The following PBX1 variants were observed in gnomAD, a reference collection of about 807,000 sequenced individuals.
PBX1 encodes pre-B-cell leukemia transcription factor 1.
A neutral mutation model predicts 53.4 loss-of-function variants in PBX1; 6 were observed. The ratio of observed to expected loss-of-function variants is 0.11; its 90% confidence interval spans 0.06 to 0.22. The LOEUF (loss-of-function observed/expected upper bound fraction) is 0.22, where lower values mean the gene tolerates loss of function less well. PBX1 is among the 10% of genes least tolerant of loss of function. The probability of loss-of-function intolerance (pLI) is 1.00; values close to 1 mark genes in which losing one functional copy is unlikely to be tolerated. For synonymous variants in PBX1, 204 were observed against 212.3 expected (o/e 0.96, Z 0.34); for missense variants, 251 against 551.4 (o/e 0.46, Z 5.46).
chr1:164,614,175 T>G (rs75614215), intron 2 of PBX1, among the ~76,000 whole-genome samples: 2,091 of 152,278 alleles, frequency 0.014, 12 homozygotes, highest in Non-Finnish European at 0.021. Context: ...CCTCCTTGTG[T>G]GTGGAAGTAC....
rs188157610 is a variant in PBX1 at position 164,760,543 on chromosome 1, G to A, written c.266-31951G>A. Among the ~76,000 whole-genome samples, 5 of 149,796 alleles carry A rather than the reference G, an allele frequency of 3.3e-5. No individual in the cohort carries two copies. The Admixed American group carries it at 3.4e-4, about 10-fold the overall frequency. On this transcript the variant is annotated intron_variant, in intron 2 of 8. Transcript: ENST00000420696. The stretch of plus-strand genomic sequence containing the variant: ...TCTCTTTAAGAATAACACTTTGTTT[G>A]GTTAACTCCTGCCCCCCAAAACAAC...
chr1:164,823,704 C>A (rs769246090), intron 8 of PBX1, among the ~76,000 whole-genome samples: 6 of 151,852 alleles, frequency 4.0e-5, no homozygotes, highest in African/African-American at 1.5e-4. Context: ...CATGTGCAGA[C>A]AATTATGTCT....
rs142889581 is a variant in PBX1, at chr1:164,694,597, C to T, written c.266-97897C>T. ...TCCATGTTCAGCAGATTTATAAATC[C>T]AGAGCAGACCTCATCAATCCCCATC... is the stretch of plus-strand genomic sequence containing the variant. On this transcript the variant is annotated intron_variant, in intron 2 of 8. Transcript: ENST00000420696. 1.0e-3 allele frequency among the ~76,000 whole-genome samples: 155 copies of T among 152,268 alleles called. 1 individual carries two copies. The East Asian group carries it at 0.028, about 27-fold the overall frequency.
intron 2 of PBX1, among the ~76,000 whole-genome samples, chr1:164,702,318 T>C (rs1310003589): frequency 2.0e-5 from 3 of 152,228 alleles, no homozygotes. Flanking sequence ...GAGGATACCC[T>C]GAGCTCACAT....
chr1:164,836,806 C>T lies in PBX1; in HGVS notation c.1201-9778C>T, dbSNP rs548323160. On this transcript the variant is annotated intron_variant, in intron 8 of 8. Transcript: ENST00000420696. ...TTATGGCTCTGAAATAGATTTGGTG[C>T]GTCACGGAAGATAAGGGTTTTGAAA... 2.7e-4 allele frequency among the ~76,000 whole-genome samples: 41 copies of T among 152,212 alleles called. 2 individuals carry two copies. The South Asian group carries it at 8.3e-3, about 31-fold the overall frequency.
chr1:164,628,383 G>A (rs12130738), intron 2 of PBX1, among the ~76,000 whole-genome samples: 3,210 of 152,276 alleles, frequency 0.021, 58 homozygotes, highest in Non-Finnish European at 0.031. Context: ...AGTCCGAACA[G>A]TCACCTTGAC....
At chr1:164,735,692 G>T (rs1571310632) in intron 2 of PBX1, among the ~76,000 whole-genome samples, 1 of 152,204 alleles carries the variant, frequency 6.6e-6, no homozygotes. Flanking sequence ...TTCCGTCAGT[G>T]CTGAGGACCA....
intron 8 of PBX1, among the ~76,000 whole-genome samples, chr1:164,836,115 AC>A (rs1671027301): frequency 6.6e-6 from 1 of 152,114 alleles, no homozygotes; most frequent in African/African-American, 2.4e-5. Context: ...CTTTCTTATG[AC>A]CTTTGCTACA....
chr1:164,760,385 C>T (rs1167300080), intron 2 of PBX1, among the ~76,000 whole-genome samples: 1 of 151,754 alleles, frequency 6.6e-6, no homozygotes, highest in African/African-American at 2.4e-5. Context: ...CCCTCCCACC[C>T]TTCTTTGCTC....
intron 2 of PBX1, chr1:164,683,628 C>T (rs1037542129): frequency 6.6e-6 from 1 of 152,108 alleles, no homozygotes; most frequent in Non-Finnish European, 1.5e-5. Flanking sequence ...AAAACACATA[C>T]ACACTCTCAC....
At chr1:164,834,317 G>A (rs1432846207) in intron 8 of PBX1, among the ~76,000 whole-genome samples, 1 of 150,492 alleles carries the variant, frequency 6.6e-6, no homozygotes, top group African/African-American at 2.4e-5. Context: ...TTGTTGTTTA[G>A]CCTGTTTCCA....
intron 6 of PBX1, chr1:164,814,914 A>C (rs933758004): frequency 6.6e-6 from 1 of 151,972 alleles, no homozygotes; most frequent in African/African-American, 2.4e-5. Flanking sequence ...TTTTTTTTTT[A>C]AATCACTTAA....
At chr1:164,673,725 A>G (rs960696819) in intron 2 of PBX1, among the ~76,000 whole-genome samples, 2 of 152,042 alleles carry the variant, frequency 1.3e-5, no homozygotes, top group African/African-American at 2.4e-5. Context: ...CAAAGAAAAC[A>G]TTTCTTTCAA....
intron 2 of PBX1, among the ~76,000 whole-genome samples, chr1:164,875,988 GTATATATATATA>G (rs369277110): frequency 1.8e-5 from 1 of 56,938 alleles, no homozygotes; most frequent in Non-Finnish European, 4.5e-5. Flanking sequence ...TGGTGTATGT[GTATATATATATA>G]TATATACACA....
chr1:164,749,603 G>A (rs533507513), intron 2 of PBX1, among the ~76,000 whole-genome samples: 105 of 152,306 alleles, frequency 6.9e-4, no homozygotes, highest in African/African-American at 2.4e-3. Flanking sequence ...TTAACCCACT[G>A]TTATTAGCAA....
chr1:164,870,210 T>C (rs1672317546), intron 2 of PBX1, among the ~76,000 whole-genome samples: 1 of 64,466 alleles, frequency 1.6e-5, no homozygotes, highest in Non-Finnish European at 3.9e-5. Context: ...CTTTCTTTCT[T>C]TTCTTTCTTT....
intron 2 of PBX1, among the ~76,000 whole-genome samples, chr1:164,649,523 G>A (rs745908115): frequency 1.4e-4 from 22 of 151,978 alleles, no homozygotes; most frequent in Middle Eastern, 3.2e-3. Flanking sequence ...CCCAGTATGC[G>A]AAAGTGGCTG....
At position 164,559,656 on chromosome 1, in the gene PBX1, G is replaced by A; in HGVS notation, c.-167G>A. On this transcript the variant is annotated 5_prime_UTR_variant, in exon 1 of 9. Transcript: ENST00000420696. ...CCTCATCCTCCCACCATCCTCTAAA[G>A]AGGCAAAGGGATTTTTTTTTTCTTT... The A allele has an allele frequency of 3.4e-6, 1 of 292,414 alleles. No individual in the cohort carries two copies. Among genetic ancestry groups the A allele is most frequent in the South Asian group, 5.5e-5 (1 of 18,160 alleles). The allele number at this position is 292,414 out of a possible 1,614,324, so 18.1% of individuals were successfully genotyped here. A position where few individuals can be genotyped will look rare whatever the true frequency, so the allele number is the denominator to read the frequency against.
chr1:164,766,184 T>C (rs1213436637), intron 2 of PBX1, among the ~76,000 whole-genome samples: 1 of 152,002 alleles, frequency 6.6e-6, no homozygotes, highest in Non-Finnish European at 1.5e-5. Flanking sequence ...AAGGGGGAGA[T>C]TAGTATATGC....
Sources: allele counts gnomAD v4.1 joint callset (sites outside exome capture counted in the v4.1 genomes callset), GRCh38; gene constraint gnomAD v4.1.1; transcripts MANE v1.5; gene names NCBI Gene and HGNC (gene_info 2026-07-23, HGNC 2026-07-21).